ITPR2: variants seen among roughly 807,000 people sequenced by gnomAD.
ITPR2 encodes the protein inositol 1,4,5-trisphosphate-gated calcium channel ITPR2.
In ITPR2, 207 loss-of-function variants were observed where a neutral mutation model predicts 317.1. The observed-to-expected ratio is 0.65, with a 90% CI of 0.58 to 0.73. The LOEUF (loss-of-function observed/expected upper bound fraction) is 0.73, where lower values mean the gene tolerates loss of function less well. Ranked by LOEUF, ITPR2 falls within the 30% of genes least tolerant of loss-of-function variation. The pLI is 0.00. For synonymous variants in ITPR2, 1,156 were observed against 1,149.1 expected (o/e 1.01, Z -0.12); for missense variants, 2,613 against 3,284.0 (o/e 0.80, Z 4.99).
At chr12:26,340,743 AAG>A (rs1938085101) in intron 55 of ITPR2, among the ~76,000 whole-genome samples, 1 of 152,126 alleles carries the variant, frequency 6.6e-6, no homozygotes, top group Non-Finnish European at 1.5e-5. Context: ...AAAGTGGTAA[AAG>A]AAATGTTTCA....
intron 55 of ITPR2, among the ~76,000 whole-genome samples, chr12:26,377,174 C>G (rs1345503420): frequency 6.6e-6 from 1 of 152,174 alleles, no homozygotes; most frequent in African/African-American, 2.4e-5. Context: ...TCTTCATTTA[C>G]CCGATCAGCC....
At chr12:26,788,290 C>T (rs1314353202) in intron 2 of ITPR2, among the ~76,000 whole-genome samples, 7 of 152,156 alleles carry the variant, frequency 4.6e-5, no homozygotes, top group African/African-American at 1.4e-4. Context: ...CACAAAACCT[C>T]GTGTGGTAGT....
At chr12:26,666,605 A>G (rs1200569500) in intron 13 of ITPR2, among the ~76,000 whole-genome samples, 1 of 152,210 alleles carries the variant, frequency 6.6e-6, no homozygotes, top group Non-Finnish European at 1.5e-5. Flanking sequence ...CAACTTGCCC[A>G]ATGTACAGAA....
chr12:26,434,400 T>C (rs1565524463), intron 48 of ITPR2, among the ~76,000 whole-genome samples: 3 of 152,176 alleles, frequency 2.0e-5, no homozygotes, highest in Non-Finnish European at 2.9e-5. Context: ...ATAACTATTA[T>C]TGGCCAGGCA....
Position 26,628,160 on chromosome 12 carries a change from A to G in ITPR2, c.2937T>C (p.Phe979=). Residue 979 remains phenylalanine, a splice_region_variant and synonymous_variant, in exon 23 of 57, where the codon TTT becomes TTC. Transcript: ENST00000381340. Reference sequence around the variant, plus strand: ...TATAATCCAGTCTGACACTCAGGATAAACTATAAGAAACATTAAGAACAAC... The same window carrying G: ...TATAATCCAGTCTGACACTCAGGATGAACTATAAGAAACATTAAGAACAAC... ...TKLKIIEILQ[F]ILSVRLDYRI... The G allele has an allele frequency of 6.3e-7, 1 of 1,582,772 alleles. No homozygotes were observed. The highest frequency in any genetic ancestry group is 8.6e-7 in the Non-Finnish European group (1 of 1,164,844).
chr12:26,634,038 G>T (rs1270428538), intron 21 of ITPR2, among the ~76,000 whole-genome samples: 1 of 152,220 alleles, frequency 6.6e-6, no homozygotes, highest in African/African-American at 2.4e-5. Flanking sequence ...ATAGTAATTT[G>T]TAACACATGT....
At chr12:26,772,491 C>CATGTATTATATATAATAATACATTATTAT (rs3064583) in intron 2 of ITPR2, among the ~76,000 whole-genome samples, 2 of 100,506 alleles carry the variant, frequency 2.0e-5, no homozygotes, top group Non-Finnish European at 4.2e-5. Context: ...ATATATAATA[C>CATGTATTATATATAATAATACATTATTAT]ATATAATACA....
chr12:26,400,385 A>T (rs1011429118), intron 52 of ITPR2, 127 bp from the exon 53 acceptor site: 2 of 369,424 alleles, frequency 5.4e-6, no homozygotes, highest in Non-Finnish European at 4.5e-6. Flanking sequence ...ATTTATACAC[A>T]TATGTAAATA....
chr12:26,545,490 G>C (rs1944374582), intron 37 of ITPR2, among the ~76,000 whole-genome samples: 1 of 152,108 alleles, frequency 6.6e-6, no homozygotes, highest in South Asian at 2.1e-4. Context: ...ATCCAGAAAA[G>C]GCAAGGAAAT....
intron 37 of ITPR2, among the ~76,000 whole-genome samples, chr12:26,500,859 C>T (rs942269186): frequency 1.3e-5 from 2 of 152,088 alleles, no homozygotes; most frequent in Non-Finnish European, 2.9e-5. Flanking sequence ...CTCTGTTTGC[C>T]TTAATGGGGA....
At chr12:26,648,064 G>A (rs1565663755) in intron 21 of ITPR2, among the ~76,000 whole-genome samples, 1 of 152,114 alleles carries the variant, frequency 6.6e-6, no homozygotes, top group Non-Finnish European at 1.5e-5. Flanking sequence ...ACACTGAGGT[G>A]GGCTGCTGTG....
intron 55 of ITPR2, among the ~76,000 whole-genome samples, chr12:26,350,563 C>G (rs894005821): frequency 6.6e-6 from 1 of 152,144 alleles, no homozygotes; most frequent in Non-Finnish European, 1.5e-5. Context: ...GAAAGCAGGG[C>G]TCTGGGCAGT....
At chr12:26,551,131 A>T (rs1043357894) in intron 36 of ITPR2, among the ~76,000 whole-genome samples, 2 of 152,328 alleles carry the variant, frequency 1.3e-5, no homozygotes, top group East Asian at 1.9e-4. Flanking sequence ...TAAAAAGCTG[A>T]TCCTCAAAAT....
At chr12:26,390,115 G>A (rs939286008) in intron 54 of ITPR2, among the ~76,000 whole-genome samples, 1 of 152,180 alleles carries the variant, frequency 6.6e-6, no homozygotes, top group African/African-American at 2.4e-5. Context: ...AATAAGTGTT[G>A]GTGAAGATGT....
At chr12:26,694,770 G>T (rs112467201) in intron 10 of ITPR2, among the ~76,000 whole-genome samples, 2,909 of 152,200 alleles carry the variant, frequency 0.019, 39 homozygotes, top group Non-Finnish European at 0.029. Context: ...CGCTAAAATT[G>T]AATTATAAAT....
intron 2 of ITPR2, among the ~76,000 whole-genome samples, chr12:26,728,232 C>T (rs1340245770): frequency 2.0e-5 from 3 of 152,074 alleles, no homozygotes; most frequent in Non-Finnish European, 4.4e-5. Flanking sequence ...TGGGGCCCTA[C>T]GGTAGTTTTG....
At chr12:26,598,645 T>C (rs534290067) in intron 30 of ITPR2, among the ~76,000 whole-genome samples, 1 of 152,262 alleles carries the variant, frequency 6.6e-6, no homozygotes, top group East Asian at 1.9e-4. Context: ...ATTTGTAACT[T>C]ACTCTAAGTA....
intron 32 of ITPR2, among the ~76,000 whole-genome samples, chr12:26,589,189 G>A (rs1429677380): frequency 1.3e-5 from 2 of 152,168 alleles, no homozygotes; most frequent in Admixed American, 6.5e-5. Context: ...TGTGCTTACA[G>A]GACATGGATA....
In ITPR2 at chr12:26,405,888, G is replaced by A. The variant is rs1940332111; in HGVS notation, c.7399+5432C>T. On this transcript the variant is annotated intron_variant, in intron 52 of 56. Transcript: ENST00000381340. ...CAGGAGAATCACTTGAACCTGGGAA[G>A]TGCAGGTTGCAATGAGCTGAGATTG... is the stretch of plus-strand genomic sequence containing the variant. Among the ~76,000 whole-genome samples, 7 of 152,306 alleles carry A rather than the reference G, an allele frequency of 4.6e-5. No homozygotes were observed. In the South Asian group the frequency reaches 1.2e-3, roughly 27 times the overall value.
Sources: allele counts gnomAD v4.1 joint callset (sites outside exome capture counted in the v4.1 genomes callset), GRCh38; gene constraint gnomAD v4.1.1; transcripts MANE v1.5; gene names NCBI Gene and HGNC (gene_info 2026-07-23, HGNC 2026-07-21).